DOCK3: variants seen among roughly 807,000 people sequenced by gnomAD.
DOCK3 encodes dedicator of cytokinesis 3.
In DOCK3, 60 loss-of-function variants were observed where a neutral mutation model predicts 265.6. That is an observed-to-expected ratio of 0.23 (90% CI 0.18 to 0.28). DOCK3 has a LOEUF of 0.28. Ranked by LOEUF, DOCK3 falls within the 10% of genes least tolerant of loss-of-function variation. The pLI is 1.00. For synonymous variants in DOCK3, 881 were observed against 938.0 expected (o/e 0.94, Z 1.11); for missense variants, 1,981 against 2,594.3 (o/e 0.76, Z 5.14).
chr3:50,828,935 A>G (rs2044951230), intron 2 of DOCK3, among the ~76,000 whole-genome samples: 1 of 151,090 alleles, frequency 6.6e-6, no homozygotes, highest in African/African-American at 2.4e-5. Flanking sequence ...ACTGGTCTCG[A>G]ACTCCTCTCC....
At chr3:50,853,395 A>G (rs2107412682) in intron 3 of DOCK3, among the ~76,000 whole-genome samples, 1 of 151,902 alleles carries the variant, frequency 6.6e-6, no homozygotes, top group East Asian at 1.9e-4. Flanking sequence ...TTGGGCTTCT[A>G]GAAAACCCAT....
At position 50,869,342 on chromosome 3, in the gene DOCK3, A is replaced by ATTTTTTTTTTTTTTTTTTTTT. The variant is rs755531254; in HGVS notation, c.163-20656_163-20636dup. Among the ~76,000 whole-genome samples the ATTTTTTTTTTTTTTTTTTTTT allele has an allele frequency of 5.9e-3, 412 of 70,106 alleles. 205 individuals are homozygous for ATTTTTTTTTTTTTTTTTTTTT. The highest frequency in any genetic ancestry group is 7.5e-3 in the Non-Finnish European group (293 of 39,204). 46.0% of individuals were successfully genotyped at this position (70,106 alleles called of 152,430 possible). On this transcript the variant is annotated intron_variant, in intron 3 of 52. Coordinates refer to ENST00000266037, the MANE Select transcript of DOCK3 (RefSeq NM_004947.5). ...TCAATTTTATTTATTTCTGCTGGGA[A>ATTTTTTTTTTTTTTTTTTTTT]TTTTTTTTTTTTTTTTTTTTTTTTT...
chr3:50,747,384 T>C (rs2039513900), intron 1 of DOCK3, among the ~76,000 whole-genome samples: 1 of 152,204 alleles, frequency 6.6e-6, no homozygotes, highest in South Asian at 2.1e-4. Flanking sequence ...AATCTATTGA[T>C]TAATTTGGAG....
Position 50,949,617 on chromosome 3 carries a change from TTTC to T in DOCK3, c.315+15543_315+15545del, listed in dbSNP as rs527981552. On this transcript the variant is annotated intron_variant, in intron 5 of 52. Coordinates refer to ENST00000266037, the MANE Select transcript of DOCK3 (RefSeq NM_004947.5). ...ACCTTTAAGCTCTCTAGGATTGTGTTTTCTTTATATTAGTCATTTAAAAATTAT... is the reference window on the plus strand; with the variant it reads ...ACCTTTAAGCTCTCTAGGATTGTGTTTTTATATTAGTCATTTAAAAATTAT... 2.4e-4 allele frequency among the ~76,000 whole-genome samples: 37 copies of T among 152,292 alleles called. No homozygotes were observed. The South Asian group carries it at 5.0e-3, about 20-fold the overall frequency.
At chr3:50,892,818 A>G (rs1332209055) in intron 4 of DOCK3, among the ~76,000 whole-genome samples, 1 of 152,094 alleles carries the variant, frequency 6.6e-6, no homozygotes, top group Non-Finnish European at 1.5e-5. Context: ...CACTCTAGAA[A>G]AAAGTGGAGG....
intron 5 of DOCK3, among the ~76,000 whole-genome samples, chr3:50,984,609 G>A (rs1407989181): frequency 6.6e-6 from 1 of 152,082 alleles, no homozygotes; most frequent in African/African-American, 2.4e-5. Context: ...AGTCTGATGG[G>A]GGTTTTCTTA....
At chr3:50,963,008 G>A (rs997513370) in intron 5 of DOCK3, among the ~76,000 whole-genome samples, 2 of 152,084 alleles carry the variant, frequency 1.3e-5, no homozygotes, top group African/African-American at 2.4e-5. Flanking sequence ...CCAAGATGGC[G>A]AAACCCTGTC....
intron 4 of DOCK3, among the ~76,000 whole-genome samples, chr3:50,919,545 GCT>G: frequency 6.6e-6 from 1 of 151,960 alleles, no homozygotes. Context: ...TCATGATTTG[GCT>G]CTCTGTCTGT....
intron 9 of DOCK3, among the ~76,000 whole-genome samples, chr3:51,129,433 A>G (rs944656577): frequency 6.6e-6 from 1 of 152,200 alleles, no homozygotes; most frequent in African/African-American, 2.4e-5. Context: ...GCAGGAGTGG[A>G]GACCATGGGC....
chr3:51,139,509 C>G (rs879795533), intron 9 of DOCK3, among the ~76,000 whole-genome samples: 5 of 152,188 alleles, frequency 3.3e-5, no homozygotes, highest in African/African-American at 7.2e-5. Flanking sequence ...ACATACCACA[C>G]AGAAGTTCTT....
At chr3:51,021,819 G>T (rs995949380) in intron 5 of DOCK3, among the ~76,000 whole-genome samples, 1 of 151,850 alleles carries the variant, frequency 6.6e-6, no homozygotes, top group East Asian at 1.9e-4. Context: ...CCACCACCAC[G>T]CCTGGCTAAT....
chr3:51,159,822 G>A (rs1023751936), intron 11 of DOCK3, among the ~76,000 whole-genome samples: 10 of 152,154 alleles, frequency 6.6e-5, no homozygotes, highest in Non-Finnish European at 1.3e-4. Context: ...CTGTTCTGTG[G>A]TTGGTTTGCT....
intron 9 of DOCK3, among the ~76,000 whole-genome samples, chr3:51,137,090 C>T (rs2084841548): frequency 6.6e-6 from 1 of 151,614 alleles, no homozygotes; most frequent in Non-Finnish European, 1.5e-5. Flanking sequence ...TAGCCCTGGA[C>T]CATCGTTTGC....
At chr3:50,838,551 A>G (rs2045645206) in intron 2 of DOCK3, among the ~76,000 whole-genome samples, 1 of 152,190 alleles carries the variant, frequency 6.6e-6, no homozygotes, top group Non-Finnish European at 1.5e-5. Context: ...CATCAAGGGG[A>G]GTTTCACTTT....
intron 23 of DOCK3, among the ~76,000 whole-genome samples, chr3:51,264,606 T>C (rs1345974819): frequency 6.6e-6 from 1 of 151,902 alleles, no homozygotes; most frequent in Non-Finnish European, 1.5e-5. Context: ...GGCGGGCAGA[T>C]CATGAGGTCA....
At chr3:51,349,890 C>T (rs2085860426) in intron 39 of DOCK3, among the ~76,000 whole-genome samples, 1 of 152,138 alleles carries the variant, frequency 6.6e-6, no homozygotes, top group East Asian at 1.9e-4. Context: ...CTACAAGCAA[C>T]CTAGTCAGAG....
In DOCK3 at chr3:51,258,884, C is replaced by A. The variant is rs189756734; in HGVS notation, c.2185-1272C>A. Reference sequence around the variant, plus strand: ...ATTTTCTTTGTTCCGATAGAAAATACCTCCTACTTCAGTGACTTCAAACTG... The same window carrying A: ...ATTTTCTTTGTTCCGATAGAAAATAACTCCTACTTCAGTGACTTCAAACTG... On this transcript the variant is annotated intron_variant, in intron 22 of 52. Coordinates refer to ENST00000266037, the MANE Select transcript of DOCK3 (RefSeq NM_004947.5). 1.1e-3 allele frequency among the ~76,000 whole-genome samples: 170 copies of A among 152,252 alleles called. 1 individual carries two copies. Among genetic ancestry groups the A allele is most frequent in the Admixed American group, 2.0e-3 (30 of 15,284 alleles).
intron 14 of DOCK3, among the ~76,000 whole-genome samples, chr3:51,216,015 A>G (rs1278445717): frequency 6.6e-6 from 1 of 152,014 alleles, no homozygotes; most frequent in Admixed American, 6.5e-5. Flanking sequence ...TTGAAAAAAG[A>G]ATAAATAGTT....
chr3:51,345,165 TGTTGTGG>T (rs1478122067), intron 38 of DOCK3, among the ~76,000 whole-genome samples: 1 of 152,172 alleles, frequency 6.6e-6, no homozygotes, highest in African/African-American at 2.4e-5. Context: ...AGGTAGACCC[TGTTGTGG>T]GTCCATTGCT....
Sources: allele counts gnomAD v4.1 joint callset (sites outside exome capture counted in the v4.1 genomes callset), GRCh38; gene constraint gnomAD v4.1.1; transcripts MANE v1.5; gene names NCBI Gene and HGNC (gene_info 2026-07-23, HGNC 2026-07-21).